ZDHHC13: variants seen among roughly 807,000 people sequenced by gnomAD.
ZDHHC13 encodes zDHHC palmitoyltransferase 13, also known as palmitoyltransferase ZDHHC13.
Under a neutral mutation model 86.0 loss-of-function variants are expected in ZDHHC13, and 85 were observed. The observed-to-expected ratio is 0.99, with a 90% CI of 0.83 to 1.18. ZDHHC13 has a LOEUF of 1.18. Among genes scored for constraint, ZDHHC13 ranks in the 50% most tolerant of loss-of-function variants. The probability of loss-of-function intolerance (pLI) is 0.00; values close to 1 mark genes in which losing one functional copy is unlikely to be tolerated. For missense variants in ZDHHC13, 711 were observed against 730.2 expected (o/e 0.97, Z 0.30); for synonymous variants, 263 against 246.4 (o/e 1.07, Z -0.63).
Position 19,136,752 on chromosome 11 carries a change from G to A in ZDHHC13, c.28-6226G>A, listed in dbSNP as rs1312006026. 6.0e-3 allele frequency among the ~76,000 whole-genome samples: 918 copies of A among 151,940 alleles called. 7 individuals carry two copies. The highest frequency in any genetic ancestry group is 0.021 in the African/African-American group (865 of 41,274). ...GAAACTCTACAAGCCAGAAGATAGT[G>A]GGGGCCAATATTCAACATTCTTAAA... On this transcript the variant is annotated intron_variant, in intron 1 of 16. Coordinates refer to ENST00000446113, the MANE Select transcript of ZDHHC13 (RefSeq NM_019028.3).
intron 2 of ZDHHC13, among the ~76,000 whole-genome samples, chr11:19,144,529 TATTTTCC>T (rs1188140750): frequency 6.6e-6 from 1 of 152,010 alleles, no homozygotes; most frequent in East Asian, 1.9e-4. Flanking sequence ...AGGGAGTATT[TATTTTCC>T]AGTAAAATGT....
At chr11:19,130,488 T>A (rs948924140) in intron 1 of ZDHHC13, among the ~76,000 whole-genome samples, 1 of 152,202 alleles carries the variant, frequency 6.6e-6, no homozygotes, top group South Asian at 2.1e-4. Flanking sequence ...TATTGACTTA[T>A]TCTTTCTAGA....
At chr11:19,146,115 G>A (rs1849457092) in intron 2 of ZDHHC13, 66 bp from the exon 3 acceptor site, 1 of 1,470,520 alleles carries the variant, frequency 6.8e-7, no homozygotes, top group Non-Finnish European at 9.1e-7. Context: ...ATAGTAAAGT[G>A]AAGAAATTTT....
rs533526072 is a variant in ZDHHC13, at chr11:19,171,566, C to A, written c.1632+998C>A. ...GGTTTCCGAACATTCCTCTCACTCT[C>A]CTATCACTCTGACTTCAATAGACTC... On this transcript the variant is annotated intron_variant, in intron 15 of 16. Transcript: ENST00000446113. 4.6e-5 allele frequency among the ~76,000 whole-genome samples: 7 copies of A among 152,252 alleles called. No homozygotes were observed. In the East Asian group the frequency reaches 1.2e-3, roughly 25 times the overall value.
At chr11:19,145,457 G>C (rs568978040) in intron 2 of ZDHHC13, among the ~76,000 whole-genome samples, 1 of 152,092 alleles carries the variant, frequency 6.6e-6, no homozygotes, top group Non-Finnish European at 1.5e-5. Context: ...CCCTTTATTG[G>C]TTTCCCATTG....
chr11:19,172,159 G>A (rs983336646), intron 15 of ZDHHC13, among the ~76,000 whole-genome samples: 8 of 152,022 alleles, frequency 5.3e-5, no homozygotes, highest in South Asian at 2.1e-4. Flanking sequence ...TGCAACCTCC[G>A]CCTTCCCGTG....
chr11:19,176,163 G>A lies in ZDHHC13; in HGVS notation c.*203G>A. On this transcript the variant is annotated 3_prime_UTR_variant, in exon 17 of 17. Transcript: ENST00000446113. ...AGATGGACTTTTCTGATAAATCTTG[G>A]CAGACATCTAAAAAAAAAACCATAT... 1 of 423,622 alleles carries A rather than the reference G, an allele frequency of 2.4e-6. No individual in the cohort carries two copies. The highest frequency in any genetic ancestry group is 4.0e-6 in the Non-Finnish European group (1 of 252,402). 26.2% of individuals were successfully genotyped at this position (423,622 alleles called of 1,614,324 possible).
At chr11:19,125,394 G>A (rs1035131615) in intron 1 of ZDHHC13, among the ~76,000 whole-genome samples, 9 of 152,292 alleles carry the variant, frequency 5.9e-5, no homozygotes, top group South Asian at 2.1e-4. Context: ...TTCATTAGCC[G>A]TTAAGGATAT....
intron 1 of ZDHHC13, among the ~76,000 whole-genome samples, chr11:19,131,145 A>T (rs1181526574): frequency 6.6e-6 from 1 of 152,116 alleles, no homozygotes. Flanking sequence ...CAGCCTCCCG[A>T]ATAGCTGGGA....
chr11:19,137,118 T>G lies in ZDHHC13; in HGVS notation c.28-5860T>G, dbSNP rs1190870565. 2.6e-5 allele frequency among the ~76,000 whole-genome samples: 4 copies of G among 152,296 alleles called. No individual in the cohort carries two copies. In the East Asian group the frequency reaches 7.7e-4, roughly 29 times the overall value. ...AATGCTCCAATTAAAAGGCACAGACTGGCAAATTGGATAAAGAGTCCAGAC... is the reference window on the plus strand; with the variant it reads ...AATGCTCCAATTAAAAGGCACAGACGGGCAAATTGGATAAAGAGTCCAGAC... On this transcript the variant is annotated intron_variant, in intron 1 of 16. Transcript: ENST00000446113.
At chr11:19,133,174 C>T (rs1055486941) in intron 1 of ZDHHC13, among the ~76,000 whole-genome samples, 2 of 152,068 alleles carry the variant, frequency 1.3e-5, no homozygotes, top group Non-Finnish European at 2.9e-5. Flanking sequence ...ACACATTCAT[C>T]AGATTGGCAA....
Position 19,163,371 on chromosome 11 carries a change from A to C in ZDHHC13, c.1177A>C (p.Lys393Gln). The change falls in exon 11 of 17, where the codon AAG becomes CAG. Residue 393 changes from lysine (K) to glutamine (Q), a missense_variant. By Grantham distance (53) the Lys-to-Gln change is moderately conservative (BLOSUM62 1). Coordinates refer to ENST00000446113, the MANE Select transcript of ZDHHC13 (RefSeq NM_019028.3). ...SIVAFLYFFY[K>Q]TWATDPGFTK... ...AGTAGCCTTTCTATACTTTTTCTATAAGACTTGGGCAACTGATCCAGGCTT... is the reference window on the plus strand; with the variant it reads ...AGTAGCCTTTCTATACTTTTTCTATCAGACTTGGGCAACTGATCCAGGCTT... 1 of 1,608,370 alleles carries C rather than the reference A, an allele frequency of 6.2e-7. No individual in the cohort carries two copies. The highest frequency in any genetic ancestry group is 8.5e-7 in the Non-Finnish European group (1 of 1,177,450).
At chr11:19,133,239 A>T (rs1849040710) in intron 1 of ZDHHC13, among the ~76,000 whole-genome samples, 1 of 152,130 alleles carries the variant, frequency 6.6e-6, no homozygotes, top group Non-Finnish European at 1.5e-5. Context: ...CAACAGAAGC[A>T]CTCATACCCT....
At position 19,164,372 on chromosome 11, in the gene ZDHHC13, T is replaced by C; in HGVS notation, c.1296+9T>C. ...TTTGTACATCATGTCTTGTGAGTTT[T>C]TTCATATAATTTTTTTCCGTAGTGA... On this transcript the variant is annotated intron_variant, in intron 12 of 16. Coordinates refer to ENST00000446113, the MANE Select transcript of ZDHHC13 (RefSeq NM_019028.3). 1 of 1,611,600 alleles carries C rather than the reference T, an allele frequency of 6.2e-7. No homozygotes were observed. The highest frequency in any genetic ancestry group is 8.5e-7 in the Non-Finnish European group (1 of 1,178,728).
chr11:19,133,920 C>CATATATATATATATATATATATATATAT (rs1554961794), intron 1 of ZDHHC13, among the ~76,000 whole-genome samples: 11 of 83,410 alleles, frequency 1.3e-4, no homozygotes, highest in South Asian at 4.8e-4. Context: ...GAAAGAAGTC[C>CATATATATATATATATATATATATATAT]ATATATATAT....
chr11:19,122,022 C>T (rs139758477), intron 1 of ZDHHC13, among the ~76,000 whole-genome samples: 80 of 152,214 alleles, frequency 5.3e-4, no homozygotes, highest in African/African-American at 1.8e-3. Flanking sequence ...CTCAAGGTTA[C>T]CTGTCTTCTT....
At chr11:19,147,716 C>T in intron 4 of ZDHHC13, 43 bp downstream of exon 4, 1 of 1,441,844 alleles carries the variant, frequency 6.9e-7, no homozygotes, top group Non-Finnish European at 9.5e-7. Context: ...CCACATATAG[C>T]TAGTGGTCAC....
chr11:19,122,182 G>A (rs1172099835), intron 1 of ZDHHC13, among the ~76,000 whole-genome samples: 1 of 152,172 alleles, frequency 6.6e-6, no homozygotes, highest in Non-Finnish European at 1.5e-5. Flanking sequence ...TGTAGGATTT[G>A]ACATGTATTT....
chr11:19,170,338 A>AT (rs1850185003), intron 14 of ZDHHC13, 73 bp from the exon 15 acceptor site: 31 of 1,428,060 alleles, frequency 2.2e-5, no homozygotes, highest in Non-Finnish European at 2.6e-5. Context: ...AACTGCAGTG[A>AT]TTTTATCTTC....
Sources: allele counts gnomAD v4.1 joint callset (sites outside exome capture counted in the v4.1 genomes callset), GRCh38; gene constraint gnomAD v4.1.1; transcripts MANE v1.5; gene names NCBI Gene and HGNC (gene_info 2026-07-23, HGNC 2026-07-21).